The following ABCG2 variants were observed in gnomAD, a reference collection of about 807,000 sequenced individuals.
ABCG2 encodes broad substrate specificity ATP-binding cassette transporter ABCG2.
A neutral mutation model predicts 73.5 loss-of-function variants in ABCG2; 80 were observed. The ratio of observed to expected loss-of-function variants is 1.09; its 90% CI spans 0.91 to 1.31. ABCG2 has a LOEUF of 1.31. Ranked by LOEUF, ABCG2 falls within the 50% of genes most tolerant of loss-of-function variation. The probability of loss-of-function intolerance (pLI) is 0.00; values close to 1 mark genes in which losing one functional copy is unlikely to be tolerated. For synonymous variants in ABCG2, 269 were observed against 282.4 expected, an observed-to-expected ratio of 0.95 and a Z score of 0.48; for missense variants, 796 against 786.2, an observed-to-expected ratio of 1.01 and a Z score of -0.15.
In ABCG2 at chr4:88,177,750, G is replaced by A. The variant is rs567641047; in HGVS notation, c.-19-37736C>T. 7.9e-5 allele frequency among the ~76,000 whole-genome samples: 12 copies of A among 152,284 alleles called. No individual in the cohort carries two copies. In the South Asian group the frequency reaches 2.5e-3, roughly 32 times the overall value. ...GCAGTGGCCACATACCATGGAGAGA[G>A]AAATCTGTGTGTTGGGGGAGGGAGA... is the stretch of plus-strand genomic sequence containing the variant. On this transcript the variant is annotated intron_variant, in intron 1 of 15. Coordinates refer to the ABCG2 transcript ENST00000515655.
chr4:88,142,939 C>A (rs1296365909), intron 1 of ABCG2, among the ~76,000 whole-genome samples: 3 of 152,182 alleles, frequency 2.0e-5, no homozygotes, highest in South Asian at 4.2e-4. Context: ...CAGAGTAATA[C>A]CCCATCTCAA....
chr4:88,121,866 A>G lies in ABCG2; in HGVS notation c.532-74T>C, dbSNP rs1724019970. On this transcript the variant is annotated intron_variant, in intron 5 of 15. Transcript: ENST00000237612. The stretch of plus-strand genomic sequence containing the variant: ...ATTTGGTGAGCTCCTAACGTGTGCC[A>G]GTCCTGTAAGAGACACTTTATCTCA... The G allele has an allele frequency of 2.1e-6, 3 of 1,420,734 alleles. No homozygotes were observed. In the Admixed American group the frequency reaches 5.6e-5, roughly 27 times the overall value. The allele number at this position is 1,420,734 out of a possible 1,614,324, so 88.0% of individuals were successfully genotyped here. A position where few individuals can be genotyped will look rare whatever the true frequency, so the allele number is the denominator to read the frequency against.
At chr4:88,215,239 C>T (rs1203064991) in intron 1 of ABCG2, among the ~76,000 whole-genome samples, 3 of 152,086 alleles carry the variant, frequency 2.0e-5, no homozygotes, top group African/African-American at 4.8e-5. Context: ...TGAGTGTACT[C>T]CCCCAGGATT....
chr4:88,107,754 A>T (rs1315198951), intron 9 of ABCG2, among the ~76,000 whole-genome samples: 1 of 152,268 alleles, frequency 6.6e-6, no homozygotes, highest in Non-Finnish European at 1.5e-5. Flanking sequence ...TCTTAACATT[A>T]AAAATAAATA....
intron 5 of ABCG2, 21 bp downstream of exon 5, chr4:88,131,040 C>CT (rs1320413368): frequency 6.2e-7 from 1 of 1,613,124 alleles, no homozygotes; most frequent in Non-Finnish European, 8.5e-7. Flanking sequence ...GATCATGATG[C>CT]TTTCAGTTTT....
intron 1 of ABCG2, among the ~76,000 whole-genome samples, chr4:88,155,312 A>G (rs566179754): frequency 1.3e-5 from 2 of 152,310 alleles, no homozygotes; most frequent in South Asian, 4.1e-4. Context: ...CAGGGAGAGC[A>G]CGTGTGTTTT....
intron 1 of ABCG2, among the ~76,000 whole-genome samples, chr4:88,192,108 G>A (rs1728713133): frequency 6.6e-6 from 1 of 151,980 alleles, no homozygotes; most frequent in South Asian, 2.1e-4. Flanking sequence ...TTGAACTCGG[G>A]AGGTGGAGGT....
chr4:88,205,649 C>T (rs1729347044), intron 1 of ABCG2, among the ~76,000 whole-genome samples: 1 of 151,150 alleles, frequency 6.6e-6, no homozygotes, highest in South Asian at 2.1e-4. Flanking sequence ...CTTACTTTAT[C>T]TTAGCCCTTT....
intron 10 of ABCG2, among the ~76,000 whole-genome samples, chr4:88,104,143 C>T (rs940822531): frequency 1.3e-5 from 2 of 152,162 alleles, no homozygotes; most frequent in African/African-American, 4.8e-5. Flanking sequence ...TTAGCTATCA[C>T]CACAACTCTG....
intron 1 of ABCG2, among the ~76,000 whole-genome samples, chr4:88,146,257 T>C (rs1725988165): frequency 7.5e-6 from 1 of 134,070 alleles, no homozygotes; most frequent in African/African-American, 3.4e-5. Context: ...CCCCTGTGGG[T>C]TCCCTAGCTG....
At chr4:88,183,183 A>C (rs1375804364) in intron 1 of ABCG2, among the ~76,000 whole-genome samples, 3 of 151,630 alleles carry the variant, frequency 2.0e-5, no homozygotes, top group Non-Finnish European at 2.9e-5. Flanking sequence ...AGGGCAAGCC[A>C]AACCCAAAAC....
chr4:88,103,915 C>T (rs907244431), intron 10 of ABCG2, among the ~76,000 whole-genome samples: 3 of 152,194 alleles, frequency 2.0e-5, no homozygotes, highest in Admixed American at 6.5e-5. Flanking sequence ...TTTTGTTTTT[C>T]CACTGTGTAT....
intron 1 of ABCG2, among the ~76,000 whole-genome samples, chr4:88,202,374 A>ATATATATATATATATATATATATGTATG (rs1240795047): frequency 8.6e-6 from 1 of 115,832 alleles, no homozygotes; most frequent in Non-Finnish European, 1.8e-5. Context: ...ATATATATAT[A>ATATATATATATATATATATATATGTATG]TATGTATATT....
rs530832328 is a variant in ABCG2 at position 88,224,691 on chromosome 4, A to AT, written c.-20+6302dup. ...CTCCTTTGATGCATAAAAGTTTTAA[A>AT]TTTTTTTTAATTTTGATGAAGTCCA... On this transcript the variant is annotated intron_variant, in intron 1 of 15. Transcript: ENST00000515655. Among the ~76,000 whole-genome samples, 8 of 151,992 alleles carry AT rather than the reference A, an allele frequency of 5.3e-5. No homozygotes were observed. In the South Asian group the frequency reaches 1.0e-3, roughly 20 times the overall value.
intron 1 of ABCG2, among the ~76,000 whole-genome samples, chr4:88,212,241 A>G (rs980610603): frequency 1.3e-5 from 2 of 152,178 alleles, no homozygotes; most frequent in African/African-American, 2.4e-5. Context: ...AAAGTGGATC[A>G]TCTAATAACT....
At chr4:88,228,785 C>T (rs1260859811) in intron 1 of ABCG2, among the ~76,000 whole-genome samples, 1 of 150,852 alleles carries the variant, frequency 6.6e-6, no homozygotes, top group East Asian at 1.9e-4. Context: ...TCTGTAAAAA[C>T]ACACCAATCA....
At chr4:88,200,045 C>T (rs1205040596) in intron 1 of ABCG2, among the ~76,000 whole-genome samples, 1 of 152,014 alleles carries the variant, frequency 6.6e-6, no homozygotes, top group Non-Finnish European at 1.5e-5. Flanking sequence ...AAATAGAAGG[C>T]CCGGCATGGT....
chr4:88,163,256 G>A (rs1279271050), upstream of ABCG2, among the ~76,000 whole-genome samples: 1 of 152,084 alleles, frequency 6.6e-6, no homozygotes, highest in Non-Finnish European at 1.5e-5. Context: ...AGTCTATAAT[G>A]GTGCAAACAG....
intron 10 of ABCG2, among the ~76,000 whole-genome samples, chr4:88,101,523 A>C (rs2110189317): frequency 6.6e-6 from 1 of 152,196 alleles, no homozygotes; most frequent in South Asian, 2.1e-4. Flanking sequence ...CTCATTTTGA[A>C]ACTCACAGTC....
Sources: gnomAD v4.1 joint callset for allele counts (sites outside exome capture counted in the v4.1 genomes callset) on GRCh38, gnomAD v4.1.1 for gene constraint, MANE v1.5 for transcripts, NCBI Gene and HGNC (gene_info 2026-07-23, HGNC 2026-07-21) for gene names.